Variants in MYRFL observed in about 807,000 individuals in gnomAD.
MYRFL encodes the protein myelin regulatory factor-like protein.
MYRFL carries 88 observed loss-of-function variants against 109.4 expected under a neutral mutation model. The observed-to-expected ratio is 0.80, with a 90% CI of 0.68 to 0.96. MYRFL has a LOEUF of 0.96. Ranked by LOEUF, MYRFL falls within the 40% of genes least tolerant of loss-of-function variation. The probability of loss-of-function intolerance (pLI) is 0.00; values close to 1 mark genes in which losing one functional copy is unlikely to be tolerated. For synonymous variants in MYRFL, 324 were observed against 320.9 expected (o/e 1.01, Z -0.10); for missense variants, 957 against 954.9 (o/e 1.00, Z -0.03).
intron 13 of MYRFL, among the ~76,000 whole-genome samples, chr12:69,921,969 T>TTAATG (rs1388497964): frequency 1.3e-5 from 2 of 152,146 alleles, no homozygotes; most frequent in African/African-American, 4.8e-5. Context: ...AAATCATAAA[T>TTAATG]TAATGTATTA....
At chr12:69,855,402 T>C (rs1229267777) in intron 2 of MYRFL, 32 bp downstream of exon 2, 3 of 700,042 alleles carry the variant, frequency 4.3e-6, no homozygotes, top group Non-Finnish European at 7.8e-6. Context: ...CTCTAGTTGA[T>C]GTTTAAAATA....
rs1165018700 is a variant in MYRFL at position 69,943,868 on chromosome 12, A to G, written c.2224+7236A>G. Reference sequence around the variant, plus strand: ...AACAAACAGCCCCATCAAAAAGTGGATGAAGGACATGAACAGACACTTCTC... The same window carrying G: ...AACAAACAGCCCCATCAAAAAGTGGGTGAAGGACATGAACAGACACTTCTC... On this transcript the variant is annotated intron_variant, in intron 19 of 24. Coordinates refer to ENST00000552032, the MANE Select transcript of MYRFL (RefSeq NM_182530.3). Among the ~76,000 whole-genome samples, 37 of 152,242 alleles carry G rather than the reference A, an allele frequency of 2.4e-4. No homozygotes were observed. In the East Asian group the frequency reaches 5.8e-3, roughly 24 times the overall value.
intron 1 of MYRFL, among the ~76,000 whole-genome samples, chr12:69,848,058 A>G (rs750469220): frequency 4.3e-4 from 65 of 151,964 alleles, no homozygotes; most frequent in Non-Finnish European, 8.1e-4. Flanking sequence ...TAGAGGTGAG[A>G]CTCTAGTATA....
chr12:69,939,007 C>T (rs913660153), intron 19 of MYRFL, among the ~76,000 whole-genome samples: 5 of 152,286 alleles, frequency 3.3e-5, no homozygotes, highest in African/African-American at 7.2e-5. Context: ...TGGCGCACCA[C>T]GAGATTATAT....
In MYRFL at chr12:69,888,690, G is replaced by A. The variant is rs7137287; in HGVS notation, c.707+1720G>A. Among the ~76,000 whole-genome samples the A allele has an allele frequency of 9.7e-3, 1,477 of 152,216 alleles. 29 individuals are homozygous for A. Among genetic ancestry groups the A allele is most frequent in the African/African-American group, 0.034 (1,393 of 41,522 alleles). On this transcript the variant is annotated intron_variant, in intron 6 of 24. Coordinates refer to ENST00000552032, the MANE Select transcript of MYRFL (RefSeq NM_182530.3). ...ATTTCAGCCTAACGCTCATATCTTA[G>A]CTGTACTTTTTTTCTTCAGAGTTTT...
intron 16 of MYRFL, among the ~76,000 whole-genome samples, chr12:69,933,726 C>G (rs951503870): frequency 1.3e-5 from 2 of 152,164 alleles, no homozygotes; most frequent in Non-Finnish European, 1.5e-5. Context: ...TCTTCTCCTG[C>G]TGGGATTCCC....
rs1315927680 is a variant in MYRFL at position 69,879,054 on chromosome 12, C to T, written c.164C>T (p.Pro55Leu). The T allele has an allele frequency of 5.7e-6, 4 of 702,988 alleles. No homozygotes were observed. Among genetic ancestry groups the T allele is most frequent in the Admixed American group, 4.0e-5 (2 of 50,018 alleles). The allele number at this position is 702,988 out of a possible 1,614,324, so 43.5% of individuals were successfully genotyped here. ...ALQRQLPDTPPYSASDSCSPP... is the reference protein window; with the variant it reads ...ALQRQLPDTPLYSASDSCSPP... ...CAACGCCAGCTCCCAGACACCCCGC[C>T]CTATTCTGCATCCGACTCATGCTCT... The change falls in exon 3 of 25, where the codon CCC becomes CTC. Residue 55 changes from proline to leucine, a missense_variant. Transcript: ENST00000552032.
At chr12:69,919,210 G>A (rs1241753394) in intron 13 of MYRFL, among the ~76,000 whole-genome samples, 1 of 152,176 alleles carries the variant, frequency 6.6e-6, no homozygotes, top group South Asian at 2.1e-4. Context: ...GAAAGTCACT[G>A]CCTTCAAAAG....
intron 3 of MYRFL, 49 bp from the exon 4 acceptor site, chr12:69,879,146 G>A (rs1565990716): frequency 4.8e-6 from 3 of 630,586 alleles, no homozygotes; most frequent in Admixed American, 2.2e-5. Flanking sequence ...CTTCCTCCTC[G>A]ACTCTGGGCC....
intron 10 of MYRFL, among the ~76,000 whole-genome samples, chr12:69,900,408 G>A (rs1295003066): frequency 1.6e-4 from 25 of 152,258 alleles, no homozygotes; most frequent in Admixed American, 8.5e-4. Flanking sequence ...GGAGTACATG[G>A]CATAAAGAAG....
At chr12:69,942,493 T>C (rs959809149) in intron 19 of MYRFL, among the ~76,000 whole-genome samples, 1 of 151,458 alleles carries the variant, frequency 6.6e-6, no homozygotes, top group Non-Finnish European at 1.5e-5. Flanking sequence ...CAACTTTTCA[T>C]GCTAAAAACT....
At chr12:69,825,953 T>G (rs985211165) in intron 1 of MYRFL, among the ~76,000 whole-genome samples, 4 of 152,224 alleles carry the variant, frequency 2.6e-5, no homozygotes. Context: ...TAAGGTATTT[T>G]GCATGAGGGA....
chr12:69,936,596 T>G lies in MYRFL; in HGVS notation c.2188T>G (p.Ser730Ala), dbSNP rs1469530666. ...EVSSSPVQRQ[S>A]EEKEFHQRRW... The stretch of plus-strand genomic sequence containing the variant: ...CTCTTCAAGTCCTGTGCAAAGACAA[T>G]CTGAGGAGAAGGAATTCCATCAGAG... Residue 730 changes from serine (S) to alanine (A), a missense_variant, in exon 19 of 25, where the codon TCT (serine) becomes GCT (alanine). Coordinates refer to ENST00000552032, the MANE Select transcript of MYRFL (RefSeq NM_182530.3). The G allele has an allele frequency of 1.3e-6, 2 of 1,533,718 alleles. No homozygotes were observed. The highest frequency in any genetic ancestry group is 2.0e-5 in the Admixed American group (1 of 50,788).
intron 1 of MYRFL, among the ~76,000 whole-genome samples, chr12:69,836,030 C>T (rs1293827070): frequency 2.0e-5 from 3 of 152,198 alleles, no homozygotes; most frequent in East Asian, 3.8e-4. Flanking sequence ...CCGGAAGAAT[C>T]GGATCACACG....
intron 22 of MYRFL, among the ~76,000 whole-genome samples, chr12:69,957,412 A>G (rs1044690186): frequency 1.3e-5 from 2 of 152,174 alleles, no homozygotes; most frequent in African/African-American, 4.8e-5. Context: ...ATGTGAGACA[A>G]CATAAGTCAT....
At chr12:69,863,064 A>T (rs1347590174) in intron 2 of MYRFL, among the ~76,000 whole-genome samples, 2 of 151,700 alleles carry the variant, frequency 1.3e-5, no homozygotes, top group South Asian at 2.1e-4. Flanking sequence ...ATTGATTTGC[A>T]TATATTGAAC....
chr12:69,893,792 T>C lies in MYRFL; in HGVS notation c.932T>C (p.Ile311Thr). 1.4e-6 allele frequency: 2 copies of C among 1,443,012 alleles called. No homozygotes were observed. Among genetic ancestry groups the C allele is most frequent in the Non-Finnish European group, 1.8e-6 (2 of 1,100,518 alleles). The allele number at this position is 1,443,012 out of a possible 1,614,324, so 89.4% of individuals were successfully genotyped here. ...GAAGCTACCAATCAAATAATTGCTA[T>C]TGAACAGTCCCAAGCAGATAGGAGC... Reference protein sequence around the residue: ...KVEATNQIIAIEQSQADRSKK... With the variant: ...KVEATNQIIATEQSQADRSKK... Residue 311 changes from isoleucine (I) to threonine (T), a missense_variant, in exon 8 of 25, where the codon ATT (isoleucine) becomes ACT (threonine). Physicochemically the swap from Ile to Thr is moderately conservative, Grantham distance 89. Transcript: ENST00000552032.
chr12:69,875,571 C>T (rs988700127), intron 2 of MYRFL, among the ~76,000 whole-genome samples: 2 of 152,148 alleles, frequency 1.3e-5, no homozygotes, highest in Non-Finnish European at 2.9e-5. Flanking sequence ...TGGACTGCTA[C>T]GGGTCCATGG....
chr12:69,872,998 A>T (rs1289267281), intron 2 of MYRFL, among the ~76,000 whole-genome samples: 2 of 152,010 alleles, frequency 1.3e-5, no homozygotes, highest in Non-Finnish European at 2.9e-5. Flanking sequence ...TGCACAATAG[A>T]CCTCCTTATT....
Sources: allele counts gnomAD v4.1 joint callset (sites outside exome capture counted in the v4.1 genomes callset), GRCh38; gene constraint gnomAD v4.1.1; transcripts MANE v1.5; gene names NCBI Gene and HGNC (gene_info 2026-07-23, HGNC 2026-07-21).